Variants in LRRC20 observed in about 807,000 individuals in gnomAD.
The protein encoded by LRRC20 is leucine rich repeat containing 20, also known as leucine-rich repeat-containing protein 20.
A neutral mutation model predicts 14.4 loss-of-function variants in LRRC20; 11 were observed. The observed-to-expected ratio is 0.77, with a 90% CI of 0.48 to 1.27. LRRC20 has a LOEUF of 1.27. Among genes scored for constraint, LRRC20 ranks in the 50% most tolerant of loss-of-function variants. The pLI, the probability that LRRC20 is intolerant of heterozygous loss-of-function variation, is 0.00. For missense variants in LRRC20, 219 were observed against 251.2 expected (o/e 0.87, Z 0.87); for synonymous variants, 121 against 107.3 (o/e 1.13, Z -0.79).
At chr10:70,357,529 C>G (rs1025953848) in intron 2 of LRRC20, among the ~76,000 whole-genome samples, 1 of 152,160 alleles carries the variant, frequency 6.6e-6, no homozygotes, top group African/African-American at 2.4e-5. Context: ...ATTTGAGAAT[C>G]TGACAAAGAT....
intron 3 of LRRC20, among the ~76,000 whole-genome samples, chr10:70,326,905 CGCCTCA>C (rs1842349013): frequency 6.6e-6 from 1 of 152,170 alleles, no homozygotes. Flanking sequence ...ATGATCCGCC[CGCCTCA>C]GCCTCCCAAA....
intron 2 of LRRC20, among the ~76,000 whole-genome samples, chr10:70,344,217 T>TA (rs1564631136): frequency 6.7e-6 from 1 of 149,020 alleles, no homozygotes; most frequent in African/African-American, 2.5e-5. Context: ...GAAAAGAAAA[T>TA]AAAAAAAAGA....
intron 4 of LRRC20, among the ~76,000 whole-genome samples, chr10:70,306,382 T>C (rs755298661): frequency 9.9e-5 from 15 of 152,138 alleles, no homozygotes; most frequent in Admixed American, 6.5e-4. Flanking sequence ...GAATCAAGGA[T>C]TGCATTTACT....
Position 70,362,021 on chromosome 10 carries a change from T to C in LRRC20, c.82+14431A>G, listed in dbSNP as rs1208260696. 2.0e-5 allele frequency among the ~76,000 whole-genome samples: 3 copies of C among 152,164 alleles called. No individual in the cohort carries two copies. In the East Asian group the frequency reaches 5.8e-4, roughly 29 times the overall value. On this transcript the variant is annotated intron_variant, in intron 2 of 4. Transcript: ENST00000446961. ...GGCCAACATGGTGAAACCCCGTCTC[T>C]ACTAAAAATACAAAAATTTAGCCAA...
At chr10:70,372,545 C>T (rs1452446953) in intron 2 of LRRC20, among the ~76,000 whole-genome samples, 1 of 151,430 alleles carries the variant, frequency 6.6e-6, no homozygotes, top group Non-Finnish European at 1.5e-5. Context: ...AGGTTCACAC[C>T]ATTCTCCTGC....
chr10:70,302,398 A>G (rs1241035528), intron 4 of LRRC20, among the ~76,000 whole-genome samples: 1 of 152,208 alleles, frequency 6.6e-6, no homozygotes, highest in Non-Finnish European at 1.5e-5. Flanking sequence ...TGTGAGGTAC[A>G]TAGAGTAGTT....
chr10:70,344,281 T>C (rs754170554), intron 2 of LRRC20, among the ~76,000 whole-genome samples: 3 of 152,112 alleles, frequency 2.0e-5, no homozygotes, highest in African/African-American at 7.2e-5. Flanking sequence ...AGCACAGACA[T>C]TGAAAACAGA....
intron 2 of LRRC20, among the ~76,000 whole-genome samples, chr10:70,348,974 G>A (rs1843180677): frequency 6.6e-6 from 1 of 152,236 alleles, no homozygotes; most frequent in African/African-American, 2.4e-5. Context: ...ACTGCTGCCA[G>A]AGAACACAGC....
At chr10:70,351,844 G>A (rs1286392996) in intron 2 of LRRC20, among the ~76,000 whole-genome samples, 1 of 152,084 alleles carries the variant, frequency 6.6e-6, no homozygotes, top group African/African-American at 2.4e-5. Context: ...CAACTTTACA[G>A]TTTCTGCAAT....
chr10:70,323,246 G>A (rs1281982181), intron 4 of LRRC20, among the ~76,000 whole-genome samples: 1 of 152,038 alleles, frequency 6.6e-6, no homozygotes, highest in Non-Finnish European at 1.5e-5. Context: ...CTGAGGTCCT[G>A]ATGAGACAGG....
chr10:70,376,468 G>A lies in LRRC20; in HGVS notation c.66C>T (p.Ser22=), dbSNP rs748634064. 1.8e-5 allele frequency: 29 copies of A among 1,613,840 alleles called. No homozygotes were observed. The highest frequency in any genetic ancestry group is 1.2e-4 in the Admixed American group (7 of 60,006). The change falls in exon 2 of 5, where the codon AGC becomes AGT. Residue 22 remains serine, a synonymous_variant. Coordinates refer to ENST00000446961, the MANE Select transcript of LRRC20 (RefSeq NM_001278212.2). ...CTCACTCACCCAGAGTGTCAGAGCC[G>A]CTCTCCACCGTCTCGTTGACCTTCC... The part of the protein sequence containing the change: ...VARKVNETVE[S]GSDTLDLAEC...
chr10:70,311,715 T>A (rs1173212733), intron 4 of LRRC20, among the ~76,000 whole-genome samples: 1 of 152,162 alleles, frequency 6.6e-6, no homozygotes, highest in Non-Finnish European at 1.5e-5. Context: ...CAAGGCCTCA[T>A]GTCTTAGGTG....
chr10:70,324,035 C>T lies in LRRC20; in HGVS notation c.233-5G>A. 1.9e-6 allele frequency: 3 copies of T among 1,613,676 alleles called. No individual in the cohort carries two copies. The highest frequency in any genetic ancestry group is 1.7e-6 in the Non-Finnish European group (2 of 1,179,954). On this transcript the variant is annotated splice_region_variant and splice_polypyrimidine_tract_variant and intron_variant, in intron 3 of 4. Transcript: ENST00000446961. ...AGTTCCCCTCCAGGTGGAGCTCTGC[C>T]ACGTGCAGGGAAGGAGAGAGAACAG...
chr10:70,350,112 T>C (rs943106466), intron 2 of LRRC20, among the ~76,000 whole-genome samples: 1 of 150,450 alleles, frequency 6.6e-6, no homozygotes, highest in African/African-American at 2.5e-5. Flanking sequence ...GCTCCTGGCA[T>C]TGGAATCATT....
rs186519612 is a variant in LRRC20 at position 70,371,249 on chromosome 10, G to A, written c.82+5203C>T. Among the ~76,000 whole-genome samples the A allele has an allele frequency of 8.1e-3, 1,237 of 151,832 alleles. 23 individuals carry two copies. The highest frequency in any genetic ancestry group is 0.028 in the African/African-American group (1,161 of 41,394). On this transcript the variant is annotated intron_variant, in intron 2 of 4. Transcript: ENST00000446961. ...CCTCCAGGACTCATGCAATCCTCTCGCCTCAACCTCCCAAAGTAGCTGACA... is the reference window on the plus strand; with the variant it reads ...CCTCCAGGACTCATGCAATCCTCTCACCTCAACCTCCCAAAGTAGCTGACA...
chr10:70,372,633 G>C (rs973866223), intron 2 of LRRC20, among the ~76,000 whole-genome samples: 1 of 151,682 alleles, frequency 6.6e-6, no homozygotes. Flanking sequence ...TAGTAGAGAT[G>C]GGGTTTCACC....
At chr10:70,346,049 T>C (rs2137039693) in intron 2 of LRRC20, among the ~76,000 whole-genome samples, 1 of 152,248 alleles carries the variant, frequency 6.6e-6, no homozygotes, top group East Asian at 1.9e-4. Context: ...TCACTTGAGT[T>C]TGAGACCAGC....
chr10:70,369,605 CAAAAAAAAAAAA>C (rs71009298), intron 2 of LRRC20, among the ~76,000 whole-genome samples: 1 of 68,564 alleles, frequency 1.5e-5, no homozygotes, highest in Non-Finnish European at 2.5e-5. Context: ...GACGCTGTCT[CAAAAAAAAAAAA>C]AAAAAAAAAA....
rs1366563488 is a variant in LRRC20 at position 70,309,402 on chromosome 10, G to T, written c.401-7894C>A. 2.6e-5 allele frequency among the ~76,000 whole-genome samples: 4 copies of T among 152,280 alleles called. No homozygotes were observed. In the Middle Eastern group the frequency reaches 0.01, roughly 388 times the overall value. ...CCCAAGGTTGCCACGCCAGTAAGTG[G>T]TGGAGGCAGGACAGTTCCTGATCCC... On this transcript the variant is annotated intron_variant, in intron 4 of 4. Coordinates refer to ENST00000446961, the MANE Select transcript of LRRC20 (RefSeq NM_001278212.2).
Sources: gnomAD v4.1 joint callset for allele counts (sites outside exome capture counted in the v4.1 genomes callset) on GRCh38, gnomAD v4.1.1 for gene constraint, MANE v1.5 for transcripts, NCBI Gene and HGNC (gene_info 2026-07-23, HGNC 2026-07-21) for gene names.